GABBR2: variants seen among roughly 807,000 people sequenced by gnomAD.
GABBR2 encodes the protein gamma-aminobutyric acid type B receptor subunit 2.
In GABBR2, 23 loss-of-function variants were observed where a neutral mutation model predicts 105.6. The ratio of observed to expected loss-of-function variants is 0.22; its 90% confidence interval spans 0.16 to 0.31. GABBR2 has a LOEUF of 0.31. Ranked by LOEUF, GABBR2 falls within the 10% of genes least tolerant of loss-of-function variation. GABBR2 has a pLI of 1.00. For synonymous variants in GABBR2, 478 were observed against 499.7 expected (o/e 0.96, Z 0.58); for missense variants, 734 against 1,245.5 (o/e 0.59, Z 6.18).
chr9:98,702,773 T>C (rs1423347587), intron 1 of GABBR2, among the ~76,000 whole-genome samples: 1 of 152,242 alleles, frequency 6.6e-6, no homozygotes, highest in African/African-American at 2.4e-5. Context: ...TCTCTGGTCC[T>C]ATATGATCTT....
chr9:98,708,110 C>T (rs987242312), intron 1 of GABBR2, among the ~76,000 whole-genome samples: 1 of 152,202 alleles, frequency 6.6e-6, no homozygotes, highest in African/African-American at 2.4e-5. Context: ...GGGGTCCAGC[C>T]CCCACCTTCT....
chr9:98,311,732 C>T (rs558784485), intron 13 of GABBR2, among the ~76,000 whole-genome samples: 1 of 152,216 alleles, frequency 6.6e-6, no homozygotes. Flanking sequence ...AGGTTGTGTA[C>T]CACATGACTC....
chr9:98,567,937 T>C (rs1249097327), intron 2 of GABBR2, among the ~76,000 whole-genome samples: 4 of 152,160 alleles, frequency 2.6e-5, no homozygotes, highest in Admixed American at 2.6e-4. Flanking sequence ...TGGGAGAGTA[T>C]ACAGCAGGCG....
chr9:98,651,828 T>A (rs1234938307), intron 1 of GABBR2, among the ~76,000 whole-genome samples: 1 of 152,232 alleles, frequency 6.6e-6, no homozygotes, highest in Non-Finnish European at 1.5e-5. Flanking sequence ...TGACATTTAT[T>A]AGACAATTGG....
At chr9:98,659,908 T>C (rs2131852199) in intron 1 of GABBR2, among the ~76,000 whole-genome samples, 1 of 152,324 alleles carries the variant, frequency 6.6e-6, no homozygotes, top group East Asian at 1.9e-4. Context: ...TCCTGTGATA[T>C]GGATTAGAAA....
intron 1 of GABBR2, among the ~76,000 whole-genome samples, chr9:98,637,738 T>TA (rs1378104894): frequency 2.0e-5 from 3 of 152,134 alleles, no homozygotes; most frequent in Non-Finnish European, 2.9e-5. Context: ...GATTGTCCCC[T>TA]AAAGCCTCCA....
intron 1 of GABBR2, among the ~76,000 whole-genome samples, chr9:98,633,769 G>A (rs1829844570): frequency 6.6e-6 from 1 of 152,160 alleles, no homozygotes; most frequent in Non-Finnish European, 1.5e-5. Context: ...GCCTTAGTCT[G>A]CAGTGCCTTT....
At chr9:98,424,544 C>T (rs560885439) in intron 7 of GABBR2, among the ~76,000 whole-genome samples, 27 of 152,064 alleles carry the variant, frequency 1.8e-4, no homozygotes, top group Non-Finnish European at 3.4e-4. Flanking sequence ...GTCAAATTGC[C>T]CCTGTTTGCA....
intron 5 of GABBR2, 116 bp downstream of exon 5, chr9:98,480,816 G>T: frequency 1.4e-6 from 1 of 716,204 alleles, no homozygotes; most frequent in South Asian, 1.6e-5. Context: ...CTGCTTCCAG[G>T]AACCCAGGCT....
chr9:98,344,793 C>G (rs764113908), intron 13 of GABBR2, among the ~76,000 whole-genome samples: 17 of 152,174 alleles, frequency 1.1e-4, no homozygotes, highest in Non-Finnish European at 2.4e-4. Flanking sequence ...CTCTGGGTTA[C>G]TACACTCACT....
chr9:98,563,068 CAAAAAAAA>C (rs56185925), intron 2 of GABBR2, among the ~76,000 whole-genome samples: 25 of 63,024 alleles, frequency 4.0e-4, no homozygotes, highest in East Asian at 2.0e-3. Flanking sequence ...AGACCCTGTC[CAAAAAAAA>C]AAAAAAAAAA....
intron 1 of GABBR2, among the ~76,000 whole-genome samples, chr9:98,695,248 C>T (rs971136159): frequency 3.3e-5 from 5 of 152,240 alleles, no homozygotes; most frequent in African/African-American, 1.2e-4. Context: ...CCTGCAGGCT[C>T]TGTCCTGGGC....
At chr9:98,556,787 T>G (rs7044171) in intron 2 of GABBR2, among the ~76,000 whole-genome samples, 11,476 of 152,238 alleles carry the variant, frequency 0.075, 866 homozygotes, top group African/African-American at 0.2. Context: ...GGCTGACGCC[T>G]GAATCCCAGC....
chr9:98,537,551 A>G (rs1452953449), intron 3 of GABBR2, among the ~76,000 whole-genome samples: 1 of 152,120 alleles, frequency 6.6e-6, no homozygotes, highest in Non-Finnish European at 1.5e-5. Context: ...CCTGGGCTCA[A>G]GCCTCTCAGG....
chr9:98,461,497 T>C (rs1826422459), intron 6 of GABBR2, among the ~76,000 whole-genome samples: 2 of 152,176 alleles, frequency 1.3e-5, no homozygotes, highest in African/African-American at 4.8e-5. Flanking sequence ...GCCTTTTCAA[T>C]AAATAGTCCT....
rs747377809 is a variant in GABBR2 at position 98,388,906 on chromosome 9, T to C, written c.1477A>G (p.Met493Val). Reference protein sequence around the residue: ...SILSALTILGMIMASAFLFFN... With the variant: ...SILSALTILGVIMASAFLFFN... ...AAGAGAAAAGCACTGGCCATGATCA[T>C]CCCGAGGATGGTGAGGGCAGAGAGG... Residue 493 changes from methionine to valine, a missense_variant, in exon 10 of 19, where the codon ATG becomes GTG. This residue lies in a region of GABBR2 where 370 missense variants were observed against 648.9 expected (regional missense o/e 0.57). Coordinates refer to ENST00000259455, the MANE Select transcript of GABBR2 (RefSeq NM_005458.8). The surrounding 1 kb of genome is among the most constrained non-coding windows in gnomAD (Gnocchi z 4.4). The C allele has an allele frequency of 6.2e-7, 1 of 1,613,838 alleles. No individual in the cohort carries two copies. The highest frequency in any genetic ancestry group is 8.5e-7 in the Non-Finnish European group (1 of 1,179,810).
Position 98,413,932 on chromosome 9 carries a change from C to T in GABBR2, c.1237-7791G>A, listed in dbSNP as rs572877528. Among the ~76,000 whole-genome samples, 5 of 152,190 alleles carry T rather than the reference C, an allele frequency of 3.3e-5. No homozygotes were observed. The South Asian group carries it at 6.2e-4, about 19-fold the overall frequency. On this transcript the variant is annotated intron_variant, in intron 7 of 18. Transcript: ENST00000259455. ...GGTGTAAATGAGTGTCTAAGAAGTACGGGAAAAGTGAAGTAAATTTTAATA... is the reference window on the plus strand; with the variant it reads ...GGTGTAAATGAGTGTCTAAGAAGTATGGGAAAAGTGAAGTAAATTTTAATA...
At position 98,290,617 on chromosome 9, in the gene GABBR2, T is replaced by G. The variant is rs1588083002; in HGVS notation, c.2793A>C (p.Pro931=). 1.4e-6 allele frequency: 2 copies of G among 1,426,288 alleles called. No homozygotes were observed. The highest frequency in any genetic ancestry group is 1.7e-5 in the South Asian group (1 of 57,222). 88.4% of individuals were successfully genotyped at this position (1,426,288 alleles called of 1,614,324 possible). The change falls in exon 19 of 19, where the codon CCA becomes CCC. Residue 931 remains proline (P), a synonymous_variant. Transcript: ENST00000259455. ...PTASPRHRHV[P]PSFRVMVSGL is the part of the protein sequence containing the mutation. Reference sequence around the variant, plus strand: ...CCGAGACCATGACTCGGAAGGAGGGTGGCACATGTCTGTGGCGGGGGCTGG... The same window carrying G: ...CCGAGACCATGACTCGGAAGGAGGGGGGCACATGTCTGTGGCGGGGGCTGG...
At chr9:98,319,117 G>C (rs1273667817) in intron 13 of GABBR2, among the ~76,000 whole-genome samples, 1 of 152,170 alleles carries the variant, frequency 6.6e-6, no homozygotes, top group Non-Finnish European at 1.5e-5. Context: ...CCTCTTGCCA[G>C]CTGTGTGACT....
Sources: allele counts gnomAD v4.1 joint callset (sites outside exome capture counted in the v4.1 genomes callset), GRCh38; gene constraint gnomAD v4.1.1; regional missense constraint gnomAD v4.1.1; non-coding constraint Gnocchi (gnomAD v3.1); transcripts MANE v1.5; gene names NCBI Gene and HGNC (gene_info 2026-07-23, HGNC 2026-07-21).